Variants in TNS3 observed in about 807,000 individuals in gnomAD.
The protein encoded by TNS3 is tensin 3, also known as tensin-3.
TNS3 carries 45 observed loss-of-function variants against 140.9 expected under a neutral mutation model. The observed-to-expected ratio is 0.32, with a 90% CI of 0.25 to 0.41. The LOEUF is 0.41. TNS3 is among the 10% of genes least tolerant of loss of function. TNS3 has a pLI of 1.00. For missense variants in TNS3, 1,716 were observed against 1,906.7 expected (o/e 0.90, Z 1.86); for synonymous variants, 815 against 788.4 (o/e 1.03, Z -0.56).
chr7:47,489,666 A>G (rs1019858349), intron 3 of TNS3, among the ~76,000 whole-genome samples: 3 of 152,232 alleles, frequency 2.0e-5, no homozygotes, highest in African/African-American at 7.2e-5. Flanking sequence ...TCCTGTATCC[A>G]TTATGTCACC....
At chr7:47,513,416 G>A (rs150725125) in intron 2 of TNS3, among the ~76,000 whole-genome samples, 196 of 152,224 alleles carry the variant, frequency 1.3e-3, no homozygotes, top group African/African-American at 4.5e-3. Flanking sequence ...CGATTCTCCC[G>A]CCTCGGCGTC....
chr7:47,557,094 G>A (rs771316392), intron 1 of TNS3: 29 of 456,792 alleles, frequency 6.3e-5, no homozygotes, highest in African/African-American at 2.2e-4. Context: ...TGATGCATCC[G>A]AATCCTGATC....
At chr7:47,359,308 G>T (rs892376555) in intron 17 of TNS3, among the ~76,000 whole-genome samples, 7 of 152,226 alleles carry the variant, frequency 4.6e-5, no homozygotes, top group Non-Finnish European at 8.8e-5. Flanking sequence ...CACATACTTT[G>T]TGATGCCATT....
Position 47,276,949 on chromosome 7 carries a change from C to T in TNS3, c.*1127G>A, listed in dbSNP as rs1279249481. On this transcript the variant is annotated 3_prime_UTR_variant, in exon 31 of 31. Transcript: ENST00000311160. The stretch of plus-strand genomic sequence containing the variant: ...GTGCAGCTTCAGGCCTGAAGATGAT[C>T]GAAAAGCCCATGTGGGGGATGCTGA... 2.6e-5 allele frequency: 4 copies of T among 152,178 alleles called. No homozygotes were observed. The highest frequency in any genetic ancestry group is 6.5e-5 in the Admixed American group (1 of 15,282). 9.4% of individuals were successfully genotyped at this position (152,178 alleles called of 1,614,324 possible). A position where few individuals can be genotyped will look rare whatever the true frequency, so the allele number is the denominator to read the frequency against.
intron 1 of TNS3, chr7:47,539,039 C>T (rs200456788): frequency 5.9e-5 from 27 of 456,502 alleles, no homozygotes; most frequent in African/African-American, 3.2e-4. Flanking sequence ...AGGGCAAACA[C>T]GCCCAGAGGT....
At chr7:47,549,379 C>T (rs1800002356) in intron 1 of TNS3, among the ~76,000 whole-genome samples, 1 of 152,040 alleles carries the variant, frequency 6.6e-6, no homozygotes, top group African/African-American at 2.4e-5. Context: ...CCTGTAATCC[C>T]AGCTACTCGG....
rs970134603 is a variant in TNS3, at chr7:47,276,055, ACCTCTGCTC to A, written c.*2012_*2020del. 3.0e-6 allele frequency: 1 copy of A among 331,498 alleles called. No individual in the cohort carries two copies. The highest frequency in any genetic ancestry group is 4.1e-5 in the Admixed American group (1 of 24,572). The allele number at this position is 331,498 out of a possible 1,614,324, so 20.5% of individuals were successfully genotyped here. The stretch of plus-strand genomic sequence containing the variant: ...TGAGGACCTCTTGGGGAAAGTACAA[ACCTCTGCTC>A]CCTGTGGCCACATTCCTGCAGTGGA... On this transcript the variant is annotated 3_prime_UTR_variant, in exon 31 of 31. Transcript: ENST00000311160.
At chr7:47,417,585 A>T (rs1207710835) in intron 10 of TNS3, among the ~76,000 whole-genome samples, 1 of 152,262 alleles carries the variant, frequency 6.6e-6, no homozygotes, top group Non-Finnish European at 1.5e-5. Context: ...CTCAGGTGGT[A>T]GCTTAACCAA....
At chr7:47,535,487 G>A (rs1005651899) in intron 1 of TNS3, among the ~76,000 whole-genome samples, 9 of 152,220 alleles carry the variant, frequency 5.9e-5, no homozygotes, top group Non-Finnish European at 4.4e-5. Flanking sequence ...GAGACCAGAC[G>A]GGATTAGACT....
At chr7:47,409,272 C>A (rs1358171556) in intron 13 of TNS3, among the ~76,000 whole-genome samples, 1 of 150,282 alleles carries the variant, frequency 6.7e-6, no homozygotes, top group Non-Finnish European at 1.5e-5. Context: ...ACTGCCCCCG[C>A]CCGCCTGGTC....
intron 16 of TNS3, among the ~76,000 whole-genome samples, chr7:47,384,961 C>A (rs1400022352): frequency 6.6e-6 from 1 of 152,220 alleles, no homozygotes; most frequent in Non-Finnish European, 1.5e-5. Flanking sequence ...ACCCAACAAC[C>A]ACCTGTTGCC....
At chr7:47,362,250 T>C (rs936010335) in intron 17 of TNS3, among the ~76,000 whole-genome samples, 3 of 152,140 alleles carry the variant, frequency 2.0e-5, no homozygotes, top group African/African-American at 7.2e-5. Flanking sequence ...TCACCCATTC[T>C]ACAAGAAGGA....
chr7:47,460,212 C>CA (rs10526565), intron 4 of TNS3, among the ~76,000 whole-genome samples: 1,332 of 114,380 alleles, frequency 0.012, 2 homozygotes, highest in Non-Finnish European at 0.014. Flanking sequence ...GACTCTGTCC[C>CA]AAAAAAAAAA....
intron 16 of TNS3, among the ~76,000 whole-genome samples, chr7:47,383,776 C>G (rs1052773151): frequency 1.3e-5 from 2 of 152,158 alleles, no homozygotes; most frequent in Admixed American, 6.5e-5. Context: ...AGAAGACACT[C>G]TCTTCTGTGC....
chr7:47,302,044 T>C (rs1340452535), intron 23 of TNS3, 142 bp downstream of exon 23: 1 of 650,440 alleles, frequency 1.5e-6, no homozygotes, highest in Non-Finnish European at 2.7e-6. Context: ...AGGCATGGAA[T>C]AACGTGTGGG....
intron 3 of TNS3, among the ~76,000 whole-genome samples, chr7:47,506,324 C>A (rs1179509714): frequency 6.6e-6 from 1 of 152,162 alleles, no homozygotes; most frequent in Non-Finnish European, 1.5e-5. Context: ...TTCCAGGCCA[C>A]CTCACTTCCC....
At chr7:47,425,076 T>C (rs834596) in intron 9 of TNS3, among the ~76,000 whole-genome samples, 60,352 of 152,064 alleles carry the variant, frequency 0.4, 12,168 homozygotes, top group Non-Finnish European at 0.42. Context: ...CCCAGCACTT[T>C]GGGAGGCCAA....
chr7:47,474,342 ACACCT>A (rs1277160012), intron 4 of TNS3, among the ~76,000 whole-genome samples: 1 of 151,234 alleles, frequency 6.6e-6, no homozygotes, highest in Non-Finnish European at 1.5e-5. Flanking sequence ...CACACACAAA[ACACCT>A]CACAACACAC....
At chr7:47,476,282 G>T (rs771660803) in intron 4 of TNS3, among the ~76,000 whole-genome samples, 108 of 152,292 alleles carry the variant, frequency 7.1e-4, no homozygotes, top group Admixed American at 3.7e-3. Flanking sequence ...CCCCGGATGG[G>T]ACTCAACCCA....
Sources: allele counts gnomAD v4.1 joint callset (sites outside exome capture counted in the v4.1 genomes callset), GRCh38; gene constraint gnomAD v4.1.1; transcripts MANE v1.5; gene names NCBI Gene and HGNC (gene_info 2026-07-23, HGNC 2026-07-21).